Variants in INPP4B observed in about 807,000 individuals in gnomAD.
INPP4B encodes inositol polyphosphate 4-phosphatase type II.
INPP4B carries 55 observed loss-of-function variants against 122.5 expected under a neutral mutation model. The ratio of observed to expected loss-of-function variants is 0.45; its 90% CI spans 0.36 to 0.56. The LOEUF (loss-of-function observed/expected upper bound fraction) is 0.56. INPP4B is among the 20% of genes least tolerant of loss of function. The pLI, the probability that INPP4B is intolerant of heterozygous loss-of-function variation, is 0.00. For missense variants in INPP4B, 1,000 were observed against 1,097.7 expected (o/e 0.91, Z 1.26); for synonymous variants, 403 against 388.7 (o/e 1.04, Z -0.43).
intron 2 of INPP4B, among the ~76,000 whole-genome samples, chr4:142,550,035 A>G (rs1401460603): frequency 6.6e-6 from 1 of 152,174 alleles, no homozygotes; most frequent in Non-Finnish European, 1.5e-5. Context: ...TTTCACTGTC[A>G]GGAACAACTG....
intron 2 of INPP4B, among the ~76,000 whole-genome samples, chr4:142,661,591 T>C (rs981318737): frequency 6.6e-6 from 1 of 152,260 alleles, no homozygotes; most frequent in Non-Finnish European, 1.5e-5. Flanking sequence ...TGTGGACTTC[T>C]AAATTTAGCA....
intron 2 of INPP4B, among the ~76,000 whole-genome samples, chr4:142,667,754 G>C (rs1756362256): frequency 6.6e-6 from 1 of 152,172 alleles, no homozygotes; most frequent in African/African-American, 2.4e-5. Context: ...CAGTCTCTCT[G>C]TTCAAGAAGG....
intron 2 of INPP4B, among the ~76,000 whole-genome samples, chr4:142,568,117 T>G (rs1354549672): frequency 6.6e-6 from 1 of 150,966 alleles, no homozygotes; most frequent in Non-Finnish European, 1.5e-5. Flanking sequence ...AGTTTGGCTT[T>G]GATTATTCTT....
intron 14 of INPP4B, among the ~76,000 whole-genome samples, chr4:142,199,406 G>A (rs1839753733): frequency 6.6e-6 from 1 of 151,792 alleles, no homozygotes; most frequent in South Asian, 2.1e-4. Flanking sequence ...TATGTAATAT[G>A]TATATATATT....
intron 2 of INPP4B, among the ~76,000 whole-genome samples, chr4:142,546,607 T>G (rs916269884): frequency 1.3e-5 from 2 of 152,136 alleles, no homozygotes; most frequent in African/African-American, 4.8e-5. Flanking sequence ...ACGGAGATAT[T>G]CTAAGAGTCA....
chr4:142,514,997 C>T (rs1580257650), intron 2 of INPP4B, among the ~76,000 whole-genome samples: 1 of 151,744 alleles, frequency 6.6e-6, no homozygotes, highest in Non-Finnish European at 1.5e-5. Flanking sequence ...GATTTCACCA[C>T]GTTGGCCAGG....
chr4:142,447,752 C>A (rs143306029), intron 3 of INPP4B, among the ~76,000 whole-genome samples: 2 of 152,190 alleles, frequency 1.3e-5, no homozygotes, highest in South Asian at 2.1e-4. Context: ...CATTTGTAAT[C>A]GTAAATGAGA....
intron 12 of INPP4B, among the ~76,000 whole-genome samples, chr4:142,223,942 T>A (rs996733330): frequency 6.6e-6 from 1 of 152,170 alleles, no homozygotes; most frequent in African/African-American, 2.4e-5. Context: ...GTTTATTTGA[T>A]ATATATGAGA....
intron 7 of INPP4B, among the ~76,000 whole-genome samples, chr4:142,369,442 G>A (rs955646111): frequency 1.3e-5 from 2 of 151,754 alleles, no homozygotes; most frequent in African/African-American, 4.8e-5. Flanking sequence ...GCCAGGCGTG[G>A]TGGCATGCCT....
chr4:142,488,633 CTTCAT>C (rs772331970), intron 2 of INPP4B, among the ~76,000 whole-genome samples: 1 of 151,908 alleles, frequency 6.6e-6, no homozygotes, highest in African/African-American at 2.4e-5. Flanking sequence ...TAAGAGAATT[CTTCAT>C]TTCATCTAAA....
At chr4:142,119,661 G>T (rs1795587977) in intron 21 of INPP4B, among the ~76,000 whole-genome samples, 1 of 151,552 alleles carries the variant, frequency 6.6e-6, no homozygotes, top group Non-Finnish European at 1.5e-5. Context: ...TGGGGGGAAG[G>T]GAGAGGGATA....
chr4:142,304,386 T>C (rs1028758026), intron 9 of INPP4B, among the ~76,000 whole-genome samples: 1 of 152,044 alleles, frequency 6.6e-6, no homozygotes, highest in Non-Finnish European at 1.5e-5. Flanking sequence ...TTAGGAGACA[T>C]AACCTAAAGG....
In INPP4B at chr4:142,841,546, G is replaced by A. The variant is rs138983248; in HGVS notation, c.-254+4663C>T. On this transcript the variant is annotated intron_variant, in intron 1 of 25. Coordinates refer to ENST00000262992, the MANE Select transcript of INPP4B (RefSeq NM_001101669.3). The stretch of plus-strand genomic sequence containing the variant: ...TACAACTATCTATTCTAAGAACTAA[G>A]GTGAAAGGTGAAAGGCTCATATTTC... 3.0e-3 allele frequency among the ~76,000 whole-genome samples: 449 copies of A among 151,942 alleles called. 1 individual carries two copies. The highest frequency in any genetic ancestry group is 0.01 in the African/African-American group (430 of 41,530).
intron 2 of INPP4B, among the ~76,000 whole-genome samples, chr4:142,679,331 T>C (rs1041214441): frequency 1.3e-5 from 2 of 151,928 alleles, no homozygotes; most frequent in Admixed American, 6.6e-5. Context: ...ATGAGATTAG[T>C]GCAGTCCCTT....
chr4:142,616,794 G>A (rs1295893659), intron 2 of INPP4B, among the ~76,000 whole-genome samples: 1 of 152,020 alleles, frequency 6.6e-6, no homozygotes, highest in Non-Finnish European at 1.5e-5. Flanking sequence ...CAGCAACATG[G>A]ATAAAACTGG....
At chr4:142,796,588 CA>C (rs1777264831) in intron 1 of INPP4B, among the ~76,000 whole-genome samples, 2 of 151,610 alleles carry the variant, frequency 1.3e-5, no homozygotes, top group African/African-American at 2.4e-5. Context: ...CTCTTTCTGC[CA>C]AAATATAAAG....
chr4:142,096,258 A>T (rs1318245622), intron 23 of INPP4B: 1 of 152,216 alleles, frequency 6.6e-6, no homozygotes, highest in Non-Finnish European at 1.5e-5. Flanking sequence ...ATAATGAAGA[A>T]AATGTAAGGA....
intron 7 of INPP4B, among the ~76,000 whole-genome samples, chr4:142,379,937 C>G (rs929849710): frequency 6.6e-6 from 1 of 152,218 alleles, no homozygotes; most frequent in African/African-American, 2.4e-5. Flanking sequence ...CAGCCAGGTG[C>G]TGGAGGCCTA....
At chr4:142,069,602 A>G (rs1326461077) in intron 25 of INPP4B, among the ~76,000 whole-genome samples, 1 of 152,220 alleles carries the variant, frequency 6.6e-6, no homozygotes, top group Non-Finnish European at 1.5e-5. Flanking sequence ...CTAATAAAGA[A>G]GAAAAAAGAG....
Sources: allele counts gnomAD v4.1 joint callset (sites outside exome capture counted in the v4.1 genomes callset), GRCh38; gene constraint gnomAD v4.1.1; transcripts MANE v1.5; gene names NCBI Gene and HGNC (gene_info 2026-07-23, HGNC 2026-07-21).